UBL3: variants seen among roughly 807,000 people sequenced by gnomAD.
The protein encoded by UBL3 is ubiquitin-like protein 3.
In UBL3, 6 loss-of-function variants were observed where a neutral mutation model predicts 18.4. That is an observed-to-expected ratio of 0.33 (90% confidence interval 0.18 to 0.64). The LOEUF is 0.64. Among genes scored for constraint, UBL3 ranks in the 30% least tolerant of loss-of-function variants. UBL3 has a pLI of 0.76. For synonymous variants in UBL3, 49 were observed against 46.6 expected, an observed-to-expected ratio of 1.05 and a Z score of -0.21; for missense variants, 109 against 142.9, an observed-to-expected ratio of 0.76 and a Z score of 1.21.
intron 1 of UBL3, chr13:29,779,244 G>T (rs1328035552): frequency 2.0e-6 from 1 of 507,400 alleles, no homozygotes; most frequent in African/African-American, 1.9e-5. Flanking sequence ...AGTCCTCACA[G>T]ATACATTACT....
chr13:29,779,303 T>C (rs758018010), intron 1 of UBL3: 1 of 466,184 alleles, frequency 2.1e-6, no homozygotes, highest in Non-Finnish European at 4.2e-6. Flanking sequence ...TATTACCCTA[T>C]GAACTTATAC....
intron 1 of UBL3, among the ~76,000 whole-genome samples, chr13:29,842,134 CTT>C (rs201006689): frequency 1.6e-5 from 2 of 128,066 alleles, no homozygotes; most frequent in African/African-American, 6.7e-5. Context: ...CATTCTCTTT[CTT>C]TTTTTTTTTT....
chr13:29,779,146 A>G, intron 1 of UBL3: 1 of 440,648 alleles, frequency 2.3e-6, no homozygotes. Flanking sequence ...CTACGAAAGT[A>G]CCACCTTGTT....
At chr13:29,825,752 G>C (rs1438205807) in intron 1 of UBL3, among the ~76,000 whole-genome samples, 1 of 152,226 alleles carries the variant, frequency 6.6e-6, no homozygotes, top group Non-Finnish European at 1.5e-5. Flanking sequence ...AGTGGTGAGA[G>C]AGGGCATCCC....
At position 29,819,083 on chromosome 13, in the gene UBL3, C is replaced by T. The variant is rs184962931; in HGVS notation, c.27+30429G>A. On this transcript the variant is annotated intron_variant, in intron 1 of 4. Coordinates refer to ENST00000380680, the MANE Select transcript of UBL3 (RefSeq NM_007106.4). ...GGAGCAAGTAGAGCAAGTACAAATACAGATAAAACATTACTGTCTATGAGG... is the reference window on the plus strand; with the variant it reads ...GGAGCAAGTAGAGCAAGTACAAATATAGATAAAACATTACTGTCTATGAGG... 2.4e-3 allele frequency among the ~76,000 whole-genome samples: 365 copies of T among 152,294 alleles called. 4 individuals are homozygous for T. The highest frequency in any genetic ancestry group is 8.3e-3 in the African/African-American group (347 of 41,566).
In UBL3 at chr13:29,773,165, TAAAG is replaced by T. The variant is rs1371972864; in HGVS notation, c.137-971_137-968del. ...AGTATTCTGAAAGAGTGACAGAAGA[TAAAG>T]GAAGTAACTAGAGACTTTTCTTTTG... is the stretch of plus-strand genomic sequence containing the variant. On this transcript the variant is annotated intron_variant, in intron 2 of 4. Coordinates refer to ENST00000380680, the MANE Select transcript of UBL3 (RefSeq NM_007106.4). 2.0e-5 allele frequency among the ~76,000 whole-genome samples: 3 copies of T among 152,240 alleles called. No homozygotes were observed. The East Asian group carries it at 5.8e-4, about 29-fold the overall frequency.
At chr13:29,849,024 T>G (rs1335393710) in intron 1 of UBL3, among the ~76,000 whole-genome samples, 1 of 152,214 alleles carries the variant, frequency 6.6e-6, no homozygotes, top group Non-Finnish European at 1.5e-5. Flanking sequence ...CACAGCAAAT[T>G]CTAACATACT....
intron 1 of UBL3, among the ~76,000 whole-genome samples, chr13:29,840,719 C>T (rs1879076131): frequency 6.6e-6 from 1 of 152,182 alleles, no homozygotes; most frequent in African/African-American, 2.4e-5. Context: ...GACAGAGCAA[C>T]TACATTACTA....
intron 1 of UBL3, among the ~76,000 whole-genome samples, chr13:29,786,372 C>T (rs1877318329): frequency 6.6e-6 from 1 of 152,174 alleles, no homozygotes; most frequent in South Asian, 2.1e-4. Flanking sequence ...GAATGCTTTG[C>T]ACTCCTCACC....
intron 3 of UBL3, among the ~76,000 whole-genome samples, chr13:29,769,814 C>T (rs1458699177): frequency 1.3e-5 from 2 of 152,160 alleles, no homozygotes; most frequent in East Asian, 3.9e-4. Flanking sequence ...GATAACCAAA[C>T]ATTTCAACCT....
chr13:29,811,237 T>C (rs998927678), intron 1 of UBL3, among the ~76,000 whole-genome samples: 2 of 152,112 alleles, frequency 1.3e-5, no homozygotes, highest in African/African-American at 4.8e-5. Context: ...GGACTGCCAC[T>C]TTCCAAATTT....
At chr13:29,822,134 T>A (rs1458257883) in intron 1 of UBL3, among the ~76,000 whole-genome samples, 1 of 152,208 alleles carries the variant, frequency 6.6e-6, no homozygotes. Context: ...TTTATGCAAA[T>A]GTGATTTCTG....
chr13:29,777,314 A>T (rs779880645), intron 1 of UBL3, 51 bp from the exon 2 acceptor site: 1 of 1,428,772 alleles, frequency 7.0e-7, no homozygotes, highest in East Asian at 2.4e-5. Context: ...TTTTTTAAGT[A>T]AAAAAGAAGA....
At chr13:29,795,709 C>T (rs904754906) in intron 1 of UBL3, among the ~76,000 whole-genome samples, 12 of 140,084 alleles carry the variant, frequency 8.6e-5, no homozygotes, top group African/African-American at 2.7e-4. Flanking sequence ...CACTTGAGGC[C>T]AGGAGTTCAA....
In UBL3 at chr13:29,849,785, C is replaced by G; in HGVS notation, c.-247G>C. 1 of 514,114 alleles carries G rather than the reference C, an allele frequency of 1.9e-6. No individual in the cohort carries two copies. The allele number at this position is 514,114 out of a possible 1,614,324, so 31.8% of individuals were successfully genotyped here. ...CTCCCGGGACAGCAGAGGCAGCCCC[C>G]GTCGTCGTCGTCGTCGTCAACAGCA... On this transcript the variant is annotated 5_prime_UTR_variant, in exon 1 of 5. Coordinates refer to ENST00000380680, the MANE Select transcript of UBL3 (RefSeq NM_007106.4).
chr13:29,820,169 CTTTTT>C (rs36050662), intron 1 of UBL3, among the ~76,000 whole-genome samples: 1 of 104,974 alleles, frequency 9.5e-6, no homozygotes, highest in African/African-American at 4.1e-5. Context: ...CTCAGAGTTC[CTTTTT>C]TTTTTTTTTT....
chr13:29,837,266 T>C (rs1224209092), intron 1 of UBL3, among the ~76,000 whole-genome samples: 1 of 152,130 alleles, frequency 6.6e-6, no homozygotes, highest in Non-Finnish European at 1.5e-5. Context: ...AATCTAGGTA[T>C]GACGGTCATC....
chr13:29,823,378 T>C (rs1207271738), intron 1 of UBL3, among the ~76,000 whole-genome samples: 2 of 152,168 alleles, frequency 1.3e-5, no homozygotes, highest in African/African-American at 4.8e-5. Context: ...CGACCTCAGG[T>C]GATCCGCCCG....
intron 1 of UBL3, among the ~76,000 whole-genome samples, chr13:29,808,247 A>C (rs1877946322): frequency 6.6e-6 from 1 of 152,196 alleles, no homozygotes; most frequent in Non-Finnish European, 1.5e-5. Context: ...AATTTATAAA[A>C]AGGTGTCATA....
Sources: gnomAD v4.1 joint callset for allele counts (sites outside exome capture counted in the v4.1 genomes callset) on GRCh38, gnomAD v4.1.1 for gene constraint, MANE v1.5 for transcripts, NCBI Gene and HGNC (gene_info 2026-07-23, HGNC 2026-07-21) for gene names.